PLXDC2: variants seen among roughly 807,000 people sequenced by gnomAD.
The protein encoded by PLXDC2 is plexin domain-containing protein 2.
Under a neutral mutation model 68.9 loss-of-function variants are expected in PLXDC2, and 40 were observed. That is an observed-to-expected ratio of 0.58 (90% CI 0.45 to 0.76). The LOEUF is 0.76. Ranked by LOEUF, PLXDC2 falls within the 30% of genes least tolerant of loss-of-function variation. PLXDC2 has a pLI of 0.00. For synonymous variants in PLXDC2, 243 were observed against 234.2 expected (o/e 1.04, Z -0.34); for missense variants, 644 against 661.9 (o/e 0.97, Z 0.30).
At chr10:19,878,828 G>C (rs923094221) in intron 1 of PLXDC2, among the ~76,000 whole-genome samples, 1 of 152,128 alleles carries the variant, frequency 6.6e-6, no homozygotes, top group South Asian at 2.1e-4. Context: ...TATATAAAAC[G>C]AACTGTGGCT....
intron 1 of PLXDC2, among the ~76,000 whole-genome samples, chr10:19,922,281 G>A (rs1240713629): frequency 6.6e-6 from 1 of 152,240 alleles, no homozygotes; most frequent in Non-Finnish European, 1.5e-5. Flanking sequence ...ATTGTGAATT[G>A]AGAGATAGTG....
intron 4 of PLXDC2, among the ~76,000 whole-genome samples, chr10:20,074,061 T>C (rs1467222609): frequency 2.6e-5 from 4 of 152,064 alleles, no homozygotes; most frequent in Non-Finnish European, 5.9e-5. Flanking sequence ...AATGTAAGTA[T>C]GTAGACAGAT....
intron 1 of PLXDC2, among the ~76,000 whole-genome samples, chr10:19,887,865 A>G (rs1324377962): frequency 1.3e-5 from 2 of 152,242 alleles, no homozygotes; most frequent in Non-Finnish European, 1.5e-5. Flanking sequence ...TTATAATTAC[A>G]TAGACAACTG....
chr10:20,183,887 C>T (rs1037128535), intron 9 of PLXDC2, among the ~76,000 whole-genome samples: 2 of 151,936 alleles, frequency 1.3e-5, no homozygotes, highest in Admixed American at 1.3e-4. Context: ...GAACACTTAA[C>T]CTCTTGGTGT....
chr10:20,126,824 G>GTATATAGAACACACATGTTATATA (rs1833797354), intron 4 of PLXDC2, among the ~76,000 whole-genome samples: 1 of 87,012 alleles, frequency 1.1e-5, no homozygotes. Flanking sequence ...TAACATATAT[G>GTATATAGAACACACATGTTATATA]TGTATATATA....
chr10:19,905,977 T>A (rs1350708199), intron 1 of PLXDC2, among the ~76,000 whole-genome samples: 1 of 151,624 alleles, frequency 6.6e-6, no homozygotes, highest in East Asian at 1.9e-4. Context: ...CCTGTTCTAG[T>A]GTTGAAGAGA....
chr10:20,077,496 G>A (rs12250505), intron 4 of PLXDC2, among the ~76,000 whole-genome samples: 11,900 of 152,176 alleles, frequency 0.078, 988 homozygotes, highest in African/African-American at 0.21. Context: ...ATGGGGTTAC[G>A]ATGGGGTTAG....
chr10:20,011,625 T>C (rs1410415033), intron 2 of PLXDC2, among the ~76,000 whole-genome samples: 1 of 152,204 alleles, frequency 6.6e-6, no homozygotes, highest in Non-Finnish European at 1.5e-5. Context: ...TCCCATTCCA[T>C]ATCAATCGAT....
chr10:19,833,848 C>T (rs1037547713), intron 1 of PLXDC2, among the ~76,000 whole-genome samples: 1 of 151,608 alleles, frequency 6.6e-6, no homozygotes, highest in Non-Finnish European at 1.5e-5. Flanking sequence ...TCTAAGATTG[C>T]ATCAATGAAT....
intron 13 of PLXDC2, among the ~76,000 whole-genome samples, chr10:20,250,071 C>A (rs1175811447): frequency 6.6e-6 from 1 of 151,982 alleles, no homozygotes; most frequent in Non-Finnish European, 1.5e-5. Flanking sequence ...AGTTCGAGAC[C>A]AGTTTGACCA....
At chr10:20,003,664 T>G (rs922531288) in intron 2 of PLXDC2, among the ~76,000 whole-genome samples, 1 of 152,132 alleles carries the variant, frequency 6.6e-6, no homozygotes, top group Non-Finnish European at 1.5e-5. Context: ...ACTCCTGACC[T>G]CAAGTGATCA....
intron 1 of PLXDC2, among the ~76,000 whole-genome samples, chr10:19,966,783 T>G (rs986863219): frequency 6.7e-6 from 1 of 149,426 alleles, no homozygotes; most frequent in Non-Finnish European, 1.5e-5. Flanking sequence ...ACAGGCCTCC[T>G]GGGAAGAGAA....
At chr10:20,249,737 T>G (rs2119344245) in intron 13 of PLXDC2, among the ~76,000 whole-genome samples, 1 of 152,304 alleles carries the variant, frequency 6.6e-6, no homozygotes, top group African/African-American at 2.4e-5. Context: ...GATTAGGACA[T>G]GGACATCTTT....
chr10:20,057,125 A>T (rs1273676551), intron 3 of PLXDC2, among the ~76,000 whole-genome samples: 5 of 152,190 alleles, frequency 3.3e-5, no homozygotes, highest in Admixed American at 6.5e-5. Context: ...GTTTAATTTT[A>T]CATAACATGA....
chr10:20,144,782 C>G, intron 5 of PLXDC2, among the ~76,000 whole-genome samples: 1 of 152,112 alleles, frequency 6.6e-6, no homozygotes, highest in East Asian at 1.9e-4. Flanking sequence ...TTCCAAACTC[C>G]GACATTCACT....
Position 20,073,459 on chromosome 10 carries a change from C to T in PLXDC2, c.541+5220C>T, listed in dbSNP as rs923916669. 1.3e-4 allele frequency among the ~76,000 whole-genome samples: 20 copies of T among 152,086 alleles called. 1 individual carries two copies. Among genetic ancestry groups the T allele is most frequent in the Admixed American group, 1.1e-3 (17 of 15,260 alleles). Reference sequence around the variant, plus strand: ...TTTGTATGTTGTATGTATTTTACTACGAATAAGCTTAAGTTTCTAGTTTAA... The same window carrying T: ...TTTGTATGTTGTATGTATTTTACTATGAATAAGCTTAAGTTTCTAGTTTAA... On this transcript the variant is annotated intron_variant, in intron 4 of 13. Transcript: ENST00000377252.
At chr10:20,234,010 A>G (rs1402956024) in intron 12 of PLXDC2, among the ~76,000 whole-genome samples, 2 of 147,200 alleles carry the variant, frequency 1.4e-5, no homozygotes, top group African/African-American at 5.1e-5. Context: ...TATTTTTTGT[A>G]GAGATGCTAT....
At chr10:20,173,896 C>T (rs1379500430) in intron 7 of PLXDC2, among the ~76,000 whole-genome samples, 1 of 152,148 alleles carries the variant, frequency 6.6e-6, no homozygotes, top group Non-Finnish European at 1.5e-5. Context: ...GGTCATCAAA[C>T]AACAATAATT....
chr10:20,205,494 TTTC>T (rs1194193261), intron 9 of PLXDC2, among the ~76,000 whole-genome samples: 1 of 152,050 alleles, frequency 6.6e-6, no homozygotes, highest in African/African-American at 2.4e-5. Flanking sequence ...CAACTTAGAG[TTTC>T]TCTCATAATA....
Sources: gnomAD v4.1 joint callset for allele counts (sites outside exome capture counted in the v4.1 genomes callset) on GRCh38, gnomAD v4.1.1 for gene constraint, MANE v1.5 for transcripts, NCBI Gene and HGNC (gene_info 2026-07-23, HGNC 2026-07-21) for gene names.